Variants in WDFY4 observed in about 807,000 individuals in gnomAD.
WDFY4 encodes the protein WD repeat- and FYVE domain-containing protein 4.
A neutral mutation model predicts 351.9 loss-of-function variants in WDFY4; 169 were observed. The observed-to-expected ratio is 0.48, with a 90% CI of 0.42 to 0.55. WDFY4 has a LOEUF of 0.55. Ranked by LOEUF, WDFY4 falls within the 20% of genes least tolerant of loss-of-function variation. WDFY4 has a pLI of 0.00. For synonymous variants in WDFY4, 1,622 were observed against 1,574.6 expected (o/e 1.03, Z -0.71); for missense variants, 3,803 against 3,935.6 (o/e 0.97, Z 0.90).
chr10:48,907,004 A>G (rs1337502920), intron 47 of WDFY4, among the ~76,000 whole-genome samples: 2 of 152,206 alleles, frequency 1.3e-5, no homozygotes, highest in African/African-American at 4.8e-5. Flanking sequence ...GTTCTTCTCT[A>G]AAGGATTGTG....
In WDFY4 at chr10:48,947,900, CA is replaced by C. The variant is rs370395704; in HGVS notation, c.7977+933del. On this transcript the variant is annotated intron_variant, in intron 51 of 61. Transcript: ENST00000325239. ...AGAGAAAGGCATGAGCTGGGATGGG[CA>C]ACAGGCCACTGAACACACAGACTTG... is the stretch of plus-strand genomic sequence containing the variant. 2.0e-5 allele frequency among the ~76,000 whole-genome samples: 3 copies of C among 152,314 alleles called. 1 individual carries two copies. Among genetic ancestry groups the C allele is most frequent in the African/African-American group, 7.2e-5 (3 of 41,572 alleles).
At chr10:48,695,404 C>T (rs190252172) in intron 1 of WDFY4, among the ~76,000 whole-genome samples, 1 of 152,336 alleles carries the variant, frequency 6.6e-6, no homozygotes, top group Non-Finnish European at 1.5e-5. Flanking sequence ...TCCACCACCA[C>T]TGACCACTGC....
chr10:48,914,445 G>T (rs1390171147), intron 47 of WDFY4, among the ~76,000 whole-genome samples: 1 of 152,180 alleles, frequency 6.6e-6, no homozygotes, highest in Non-Finnish European at 1.5e-5. Flanking sequence ...AATAGGAGGT[G>T]CAGGGTCAGC....
chr10:48,727,862 G>T (rs771691231), intron 7 of WDFY4, among the ~76,000 whole-genome samples: 130 of 152,342 alleles, frequency 8.5e-4, no homozygotes, highest in Admixed American at 2.0e-3. Flanking sequence ...AAGTGTACTT[G>T]TAGGCACCTG....
chr10:48,704,041 G>T (rs1019513072), intron 1 of WDFY4, among the ~76,000 whole-genome samples: 1 of 152,054 alleles, frequency 6.6e-6, no homozygotes, highest in Non-Finnish European at 1.5e-5. Context: ...TGGCACAGAG[G>T]AAGGGGAGAC....
intron 53 of WDFY4, among the ~76,000 whole-genome samples, chr10:48,960,615 C>A (rs1841814402): frequency 6.6e-6 from 1 of 152,190 alleles, no homozygotes; most frequent in African/African-American, 2.4e-5. Context: ...AAAACTTGTG[C>A]ATGAATCTTC....
intron 12 of WDFY4, chr10:48,745,917 G>GGAAATAACAGGGGCCTC: frequency 4.2e-6 from 1 of 240,406 alleles, no homozygotes; most frequent in Non-Finnish European, 8.2e-6. Context: ...CTGGGGGCCA[G>GGAAATAACAGGGGCCTC]GAAATAACAG....
chr10:48,791,471 A>G (rs1403236939), intron 23 of WDFY4, among the ~76,000 whole-genome samples: 2 of 152,174 alleles, frequency 1.3e-5, no homozygotes, highest in Non-Finnish European at 2.9e-5. Context: ...CAGTTCCCTC[A>G]TGTGTAAAAT....
rs375515630 is a variant in WDFY4 at position 48,960,912 on chromosome 10, C to T, written c.8223+1099C>T. On this transcript the variant is annotated intron_variant, in intron 53 of 61. Transcript: ENST00000325239. ...GGGACAGAAAACAAATTAGTGGTTC[C>T]TAAGATCTGAAGTAGGAGAGTGACC... Among the ~76,000 whole-genome samples the T allele has an allele frequency of 2.6e-5, 4 of 152,224 alleles. No homozygotes were observed. In the East Asian group the frequency reaches 7.7e-4, roughly 29 times the overall value.
At chr10:48,910,261 G>C (rs1196873713) in intron 47 of WDFY4, 6 of 1,591,714 alleles carry the variant, frequency 3.8e-6, no homozygotes, top group African/African-American at 1.3e-5. Flanking sequence ...AGCGTATTCT[G>C]GGGATGGAGA....
rs1034017664 is a variant in WDFY4, at chr10:48,693,223, G to A, written c.-18+8222G>A. Among the ~76,000 whole-genome samples the A allele has an allele frequency of 3.3e-5, 5 of 152,216 alleles. No individual in the cohort carries two copies. In the South Asian group the frequency reaches 6.2e-4, roughly 19 times the overall value. On this transcript the variant is annotated intron_variant, in intron 1 of 61. Transcript: ENST00000325239. ...CTGCGGAGGACGTTTGCTCAGGGGA[G>A]GGACATGCTGGAGTTGTGCTGTAAA...
In WDFY4 at chr10:48,721,429, C is replaced by G. The variant is rs2064084968; in HGVS notation, c.456+62C>G. 2.7e-6 allele frequency: 4 copies of G among 1,473,272 alleles called. No individual in the cohort carries two copies. The South Asian group carries it at 4.8e-5, about 18-fold the overall frequency. 91.3% of individuals were successfully genotyped at this position (1,473,272 alleles called of 1,614,324 possible). On this transcript the variant is annotated intron_variant, in intron 4 of 61. Coordinates refer to ENST00000325239, the MANE Select transcript of WDFY4 (RefSeq NM_001394531.1). ...GCTCATCTAGGTGCAGAGGGAGGTC[C>G]AGCACAGGGTGGTGGCATATCCCAA...
rs372298341 is a variant in WDFY4 at position 48,743,033 on chromosome 10, C to T, written c.1944C>T (p.Asn648=). 439 of 1,551,586 alleles carry T rather than the reference C, an allele frequency of 2.8e-4. 2 individuals are homozygous for T. In the East Asian group the frequency reaches 9.1e-3, roughly 32 times the overall value. The change falls in exon 12 of 62, where the codon AAC becomes AAT. Residue 648 remains asparagine (N), a synonymous_variant. Transcript: ENST00000325239. Reference sequence around the variant, plus strand: ...CCTTCAGAGTCTCCAGCGGGTTCAACGGGCTGCTGTCTCTGCTCTCTGACC... The same window carrying T: ...CCTTCAGAGTCTCCAGCGGGTTCAATGGGCTGCTGTCTCTGCTCTCTGACC... ...RAAFRVSSGF[N]GLLSLLSDLE... is the part of the protein sequence containing the mutation.
intron 39 of WDFY4, among the ~76,000 whole-genome samples, chr10:48,861,964 C>T (rs545354224): frequency 6.6e-6 from 1 of 152,214 alleles, no homozygotes; most frequent in South Asian, 2.1e-4. Flanking sequence ...TCCCTTTGTC[C>T]CTTGCATTCT....
intron 13 of WDFY4, among the ~76,000 whole-genome samples, chr10:48,771,337 C>T (rs996503608): frequency 4.6e-5 from 7 of 152,226 alleles, no homozygotes; most frequent in South Asian, 2.1e-4. Context: ...AATGACTGCC[C>T]GCGTGGAGAG....
chr10:48,910,438 G>A (rs567308054), intron 47 of WDFY4, among the ~76,000 whole-genome samples: 49 of 152,162 alleles, frequency 3.2e-4, no homozygotes, highest in Non-Finnish European at 5.9e-4. Flanking sequence ...TTCCTATGAA[G>A]TATTTTTATG....
chr10:48,979,135 T>A (rs1564547690), intron 60 of WDFY4, among the ~76,000 whole-genome samples: 1 of 152,188 alleles, frequency 6.6e-6, no homozygotes, highest in Non-Finnish European at 1.5e-5. Flanking sequence ...TTGTAAACAA[T>A]CTGGGCTGAG....
At chr10:48,911,852 A>G (rs540634916) in intron 47 of WDFY4, among the ~76,000 whole-genome samples, 14 of 152,364 alleles carry the variant, frequency 9.2e-5, no homozygotes, top group Non-Finnish European at 1.8e-4. Flanking sequence ...AGATCTCCCA[A>G]GGTTTTAGAA....
At chr10:48,948,296 T>C (rs980913919) in intron 51 of WDFY4, among the ~76,000 whole-genome samples, 1 of 152,186 alleles carries the variant, frequency 6.6e-6, no homozygotes, top group African/African-American at 2.4e-5. Context: ...GCATTTTAAG[T>C]AAGTTTGGTT....
Sources: gnomAD v4.1 joint callset for allele counts (sites outside exome capture counted in the v4.1 genomes callset) on GRCh38, gnomAD v4.1.1 for gene constraint, MANE v1.5 for transcripts, NCBI Gene and HGNC (gene_info 2026-07-23, HGNC 2026-07-21) for gene names.